MON2: variants seen among roughly 807,000 people sequenced by gnomAD.
MON2 encodes MON2 regulator of endosome-to-Golgi trafficking, also known as protein MON2 homolog.
Under a neutral mutation model 208.6 loss-of-function variants are expected in MON2, and 84 were observed. That is an observed-to-expected ratio of 0.40 (90% CI 0.34 to 0.48). The LOEUF (loss-of-function observed/expected upper bound fraction) is 0.48. MON2 is among the 20% of genes least tolerant of loss of function. The pLI is 0.59. For missense variants in MON2, 1,611 were observed against 2,015.4 expected (o/e 0.80, Z 3.84); for synonymous variants, 660 against 694.0 (o/e 0.95, Z 0.77).
intron 1 of MON2, among the ~76,000 whole-genome samples, chr12:62,476,386 G>A (rs1409356020): frequency 6.6e-6 from 1 of 151,296 alleles, no homozygotes; most frequent in Non-Finnish European, 1.5e-5. Context: ...TACCTCTCTT[G>A]TGTCTCATTA....
intron 7 of MON2, among the ~76,000 whole-genome samples, chr12:62,504,973 G>A (rs2071026836): frequency 6.6e-6 from 1 of 152,190 alleles, no homozygotes; most frequent in Non-Finnish European, 1.5e-5. Context: ...GTAGTTAGGA[G>A]ATATAGAGAG....
At chr12:62,576,420 A>G (rs2136433520) in intron 30 of MON2, among the ~76,000 whole-genome samples, 1 of 152,232 alleles carries the variant, frequency 6.6e-6, no homozygotes, top group African/African-American at 2.4e-5. Context: ...TTATGAATAT[A>G]CTAAGGAACA....
intron 32 of MON2, among the ~76,000 whole-genome samples, chr12:62,584,347 A>C (rs2075118952): frequency 6.6e-6 from 1 of 152,120 alleles, no homozygotes; most frequent in Admixed American, 6.5e-5. Context: ...CTTCTCATTG[A>C]TTGTTTCTTA....
chr12:62,566,527 CATT>C, intron 29 of MON2, 77 bp downstream of exon 29: 8 of 1,257,318 alleles, frequency 6.4e-6, no homozygotes, highest in Non-Finnish European at 8.7e-6. Flanking sequence ...AATACATTAT[CATT>C]ATATTGGGAT....
chr12:62,569,902 A>G (rs1187136582), intron 29 of MON2, among the ~76,000 whole-genome samples: 2 of 152,320 alleles, frequency 1.3e-5, no homozygotes, highest in East Asian at 3.9e-4. Context: ...GTATTCAGTA[A>G]TAATTTGTGT....
At chr12:62,571,654 GT>G in intron 30 of MON2, 72 bp downstream of exon 30, 1 of 1,241,194 alleles carries the variant, frequency 8.1e-7, no homozygotes, top group South Asian at 1.5e-5. Context: ...AAAAACAGTT[GT>G]CTTTATTCAT....
At chr12:62,513,958 AAAG>A (rs1487358644) in intron 8 of MON2, among the ~76,000 whole-genome samples, 2 of 145,116 alleles carry the variant, frequency 1.4e-5, no homozygotes, top group Non-Finnish European at 3.1e-5. Flanking sequence ...TCAAAAAAAA[AAAG>A]AAAGAAAGAA....
intron 11 of MON2, among the ~76,000 whole-genome samples, chr12:62,531,514 A>G (rs1342599919): frequency 6.6e-6 from 1 of 152,138 alleles, no homozygotes; most frequent in Non-Finnish European, 1.5e-5. Flanking sequence ...CCAGATGTCA[A>G]TTTTAAGAGG....
At chr12:62,578,535 T>C (rs1342895268) in intron 31 of MON2, 30 bp downstream of exon 31, 2 of 1,368,064 alleles carry the variant, frequency 1.5e-6, no homozygotes, top group Non-Finnish European at 2.0e-6. Context: ...TGTTTTCCTG[T>C]GACCATTTTT....
Position 62,538,174 on chromosome 12 carries a change from A to G in MON2, c.2197A>G (p.Thr733Ala). 6.2e-7 allele frequency: 1 copy of G among 1,613,520 alleles called. No homozygotes were observed. The highest frequency in any genetic ancestry group is 8.5e-7 in the Non-Finnish European group (1 of 1,179,556). ...KPGRAVEGPS[T>A]VLTTAVMTDL... ...TGGGAGAGCTGTAGAAGGACCCAGTACAGTAAGCTCTAGTCTTTCTTACCC... is the reference window on the plus strand; with the variant it reads ...TGGGAGAGCTGTAGAAGGACCCAGTGCAGTAAGCTCTAGTCTTTCTTACCC... Residue 733 changes from threonine to alanine, a missense_variant and splice_region_variant, in exon 17 of 35, where the codon ACA becomes GCA. By Grantham distance (58) the Thr-to-Ala change is moderately conservative. Coordinates refer to ENST00000393630, the MANE Select transcript of MON2 (RefSeq NM_015026.3).
In MON2 at chr12:62,549,754, T is replaced by C. The variant is rs1468166526; in HGVS notation, c.2840T>C (p.Ile947Thr). 6 of 1,612,904 alleles carry C rather than the reference T, an allele frequency of 3.7e-6. No homozygotes were observed. Among genetic ancestry groups the C allele is most frequent in the South Asian group, 3.3e-5 (3 of 90,876 alleles). ...LPTMPCTCLQ[I>T]VVDVAGSFGL... ...ACAATGCCTTGTACTTGCCTGCAAA[T>C]AGTTGTAGATGTTGCAGGTAGCTTT... The change falls in exon 23 of 35, where the codon ATA (isoleucine) becomes ACA (threonine). Residue 947 changes from isoleucine to threonine, a missense_variant. By Grantham distance (89) the Ile-to-Thr change is moderately conservative (BLOSUM62 -1). Transcript: ENST00000393630.
chr12:62,568,800 AC>A (rs761687251), intron 29 of MON2, among the ~76,000 whole-genome samples: 45 of 152,128 alleles, frequency 3.0e-4, no homozygotes, highest in Non-Finnish European at 5.6e-4. Flanking sequence ...ATACAGGCAC[AC>A]ACCACCACGC....
chr12:62,517,949 A>G (rs1436644196), intron 8 of MON2, among the ~76,000 whole-genome samples: 2 of 152,208 alleles, frequency 1.3e-5, no homozygotes, highest in African/African-American at 2.4e-5. Context: ...GTACAAAGTA[A>G]TTGTCTTAGT....
In MON2 at chr12:62,525,171, C is replaced by A. The variant is rs2072266883; in HGVS notation, c.1197C>A (p.Ser399=). The stretch of plus-strand genomic sequence containing the variant: ...ATGCACTGGGATCTTTTATACAGTC[C>A]TTGTTTCTTGTCCCCCCTACTGGAA... ...IVNALGSFIQ[S]LFLVPPTGNP... The change falls in exon 10 of 35, where the codon TCC becomes TCA. Residue 399 remains serine, a synonymous_variant. Coordinates refer to ENST00000393630, the MANE Select transcript of MON2 (RefSeq NM_015026.3). The A allele has an allele frequency of 6.2e-7, 1 of 1,613,006 alleles. No individual in the cohort carries two copies. Among genetic ancestry groups the A allele is most frequent in the Non-Finnish European group, 8.5e-7 (1 of 1,179,280 alleles).
chr12:62,486,997 T>C (rs1219255375), intron 2 of MON2, among the ~76,000 whole-genome samples: 6 of 152,140 alleles, frequency 3.9e-5, no homozygotes, highest in Admixed American at 3.9e-4. Flanking sequence ...GGAATATTAT[T>C]TATATTTCAG....
intron 11 of MON2, among the ~76,000 whole-genome samples, chr12:62,531,664 T>G (rs550386434): frequency 1.3e-5 from 2 of 152,214 alleles, no homozygotes; most frequent in Admixed American, 1.3e-4. Context: ...TCTCACCTTG[T>G]TGGCAGATTG....
intron 4 of MON2, 89 bp downstream of exon 4, chr12:62,495,236 A>G: frequency 1.8e-6 from 2 of 1,138,306 alleles, no homozygotes; most frequent in Non-Finnish European, 2.5e-6. Flanking sequence ...TGCCATTTGA[A>G]CCAAAAGCAA....
Position 62,593,562 on chromosome 12 carries a change from C to T in MON2, c.*813C>T, listed in dbSNP as rs371096108. The T allele has an allele frequency of 4.6e-5, 7 of 152,556 alleles. No individual in the cohort carries two copies. The East Asian group carries it at 9.6e-4, about 21-fold the overall frequency. 9.5% of individuals were successfully genotyped at this position (152,556 alleles called of 1,614,324 possible). ...AATATAGGTTCTTAATACATTGATA[C>T]ATATTGTAGCACTATGACTTCATCA... is the stretch of plus-strand genomic sequence containing the variant. On this transcript the variant is annotated 3_prime_UTR_variant, in exon 35 of 35. Transcript: ENST00000393630.
rs1470425357 is a variant in MON2 at position 62,592,860 on chromosome 12, G to T, written c.*111G>T. On this transcript the variant is annotated 3_prime_UTR_variant, in exon 35 of 35. Transcript: ENST00000393630. ...CTGCAGATAATTCTTGGCAGCTGTT[G>T]TTGGCCTCCTTTAAATTCTACTTAC... is the stretch of plus-strand genomic sequence containing the variant. The T allele has an allele frequency of 2.6e-6, 3 of 1,137,410 alleles. No homozygotes were observed. The African/African-American group carries it at 4.6e-5, about 18-fold the overall frequency. 70.5% of individuals were successfully genotyped at this position (1,137,410 alleles called of 1,614,324 possible).
Sources: allele counts gnomAD v4.1 joint callset (sites outside exome capture counted in the v4.1 genomes callset), GRCh38; gene constraint gnomAD v4.1.1; transcripts MANE v1.5; gene names NCBI Gene and HGNC (gene_info 2026-07-23, HGNC 2026-07-21).